The following EPB41L5 variants were observed in gnomAD, a reference collection of about 807,000 sequenced individuals.
EPB41L5 encodes erythrocyte membrane protein band 4.1 like 5.
Under a neutral mutation model 106.6 loss-of-function variants are expected in EPB41L5, and 55 were observed. That is an observed-to-expected ratio of 0.52 (90% CI 0.42 to 0.65). EPB41L5 has a LOEUF of 0.65. Ranked by LOEUF, EPB41L5 falls within the 30% of genes least tolerant of loss-of-function variation. The pLI, the probability that EPB41L5 is intolerant of heterozygous loss-of-function variation, is 0.00. For missense variants in EPB41L5, 871 were observed against 882.1 expected (o/e 0.99, Z 0.16); for synonymous variants, 297 against 306.7 (o/e 0.97, Z 0.33).
At chr2:120,027,926 G>A (rs1024086395) in intron 2 of EPB41L5, among the ~76,000 whole-genome samples, 87 of 151,938 alleles carry the variant, frequency 5.7e-4, no homozygotes, top group African/African-American at 1.8e-3. Flanking sequence ...GCAGTGGTGC[G>A]ATCTCGGCTC....
chr2:120,167,788 T>C (rs972866762), intron 23 of EPB41L5, 89 bp from the exon 24 acceptor site: 1 of 1,469,236 alleles, frequency 6.8e-7, no homozygotes, highest in African/African-American at 1.4e-5. Context: ...GTTAATCTCA[T>C]AGTCATTAGT....
chr2:120,090,854 A>G (rs569470480), intron 12 of EPB41L5, among the ~76,000 whole-genome samples: 1 of 152,270 alleles, frequency 6.6e-6, no homozygotes, highest in East Asian at 1.9e-4. Context: ...CTTGCACTGA[A>G]TGGGATATTA....
At chr2:120,127,958 T>A in intron 17 of EPB41L5, 107 bp downstream of exon 17, 1 of 1,031,382 alleles carries the variant, frequency 9.7e-7, no homozygotes, top group Non-Finnish European at 1.3e-6. Flanking sequence ...GTTCAACTTT[T>A]AAATTTAATT....
At chr2:120,064,924 A>G (rs1681340474) in intron 3 of EPB41L5, among the ~76,000 whole-genome samples, 1 of 152,206 alleles carries the variant, frequency 6.6e-6, no homozygotes, top group Non-Finnish European at 1.5e-5. Flanking sequence ...GACCTTTCCC[A>G]GAAGAACATC....
intron 21 of EPB41L5, among the ~76,000 whole-genome samples, chr2:120,161,194 A>G (rs1687128697): frequency 6.6e-6 from 1 of 152,076 alleles, no homozygotes; most frequent in Non-Finnish European, 1.5e-5. Context: ...CCTGGGCAAC[A>G]TGGCAAAACC....
chr2:120,166,186 A>G (rs567815408), intron 22 of EPB41L5, among the ~76,000 whole-genome samples: 1 of 152,058 alleles, frequency 6.6e-6, no homozygotes, highest in African/African-American at 2.4e-5. Context: ...CCCACCTCCA[A>G]GTTTCTAATT....
chr2:120,063,159 G>T (rs1681194427), intron 3 of EPB41L5, among the ~76,000 whole-genome samples: 1 of 151,744 alleles, frequency 6.6e-6, no homozygotes, highest in African/African-American at 2.4e-5. Context: ...GGCCAACCTG[G>T]TGAAAACCTG....
chr2:120,132,047 A>G (rs777698526), intron 18 of EPB41L5, among the ~76,000 whole-genome samples: 5 of 152,198 alleles, frequency 3.3e-5, no homozygotes, highest in Non-Finnish European at 7.4e-5. Context: ...ATTTGTTTTA[A>G]AGAGAGCTGC....
chr2:120,095,882 C>T (rs1276090901), intron 14 of EPB41L5, among the ~76,000 whole-genome samples: 1 of 152,036 alleles, frequency 6.6e-6, no homozygotes, highest in Non-Finnish European at 1.5e-5. Flanking sequence ...GTTGGCCAGG[C>T]TGGTTTCGAA....
chr2:120,137,326 C>G (rs868694613), intron 18 of EPB41L5, among the ~76,000 whole-genome samples: 1 of 151,644 alleles, frequency 6.6e-6, no homozygotes, highest in African/African-American at 2.4e-5. Flanking sequence ...CAAGAGCAAA[C>G]TAAACCCAAA....
rs138550721 is a variant in EPB41L5, at chr2:120,080,072, A to G, written c.803+1491A>G. On this transcript the variant is annotated intron_variant, in intron 10 of 24. Transcript: ENST00000263713. ...AGGCTGAGGATAGAATTTTAGGTTG[A>G]AAATTATTTCCCTCAAAAAATTGAA... is the stretch of plus-strand genomic sequence containing the variant. Among the ~76,000 whole-genome samples, 1,116 of 152,038 alleles carry G rather than the reference A, an allele frequency of 7.3e-3. 11 individuals are homozygous for G. Among genetic ancestry groups the G allele is most frequent in the African/African-American group, 0.025 (1,021 of 41,494 alleles).
At chr2:120,106,798 G>A (rs949258971) in intron 16 of EPB41L5, 18 of 985,194 alleles carry the variant, frequency 1.8e-5, no homozygotes, top group South Asian at 4.7e-5. Context: ...TTTTTGTTGC[G>A]TTTCAAAGGC....
intron 16 of EPB41L5, among the ~76,000 whole-genome samples, chr2:120,117,379 T>C (rs1684995538): frequency 6.6e-6 from 1 of 152,212 alleles, no homozygotes; most frequent in South Asian, 2.1e-4. Context: ...ACAGAGTATA[T>C]AGTTGAAGTA....
intron 14 of EPB41L5, among the ~76,000 whole-genome samples, chr2:120,096,693 G>A (rs1435665247): frequency 6.6e-6 from 1 of 152,198 alleles, no homozygotes; most frequent in African/African-American, 2.4e-5. Flanking sequence ...TGGAGGCTGA[G>A]ACAGGAGAAT....
chr2:120,048,350 TC>T (rs1679971211), intron 3 of EPB41L5, among the ~76,000 whole-genome samples: 2 of 152,304 alleles, frequency 1.3e-5, no homozygotes, highest in East Asian at 3.9e-4. Flanking sequence ...CTGTTATTGA[TC>T]TATTCAGGGA....
In EPB41L5 at chr2:120,176,586, A is replaced by G. The variant is rs1358612639; in HGVS notation, c.*1679A>G. On this transcript the variant is annotated 3_prime_UTR_variant, in exon 25 of 25. Transcript: ENST00000263713. The stretch of plus-strand genomic sequence containing the variant: ...TCTTGCTGGCTGCCTCCCCTTAGCC[A>G]TTATGCTAAAAACAGCTTCTGAGTT... 1.3e-5 allele frequency: 2 copies of G among 152,248 alleles called. No individual in the cohort carries two copies. The highest frequency in any genetic ancestry group is 2.1e-4 in the South Asian group (1 of 4,836). The allele number at this position is 152,248 out of a possible 1,614,324, so 9.4% of individuals were successfully genotyped here.
At chr2:120,145,213 A>C (rs1453240534) in intron 19 of EPB41L5, among the ~76,000 whole-genome samples, 3 of 152,250 alleles carry the variant, frequency 2.0e-5, no homozygotes, top group Non-Finnish European at 4.4e-5. Flanking sequence ...TCTAACCCGC[A>C]ATTACATTCT....
At chr2:120,129,879 C>T (rs2105467356) in intron 17 of EPB41L5, among the ~76,000 whole-genome samples, 1 of 152,302 alleles carries the variant, frequency 6.6e-6, no homozygotes, top group Non-Finnish European at 1.5e-5. Flanking sequence ...AGCACAGTGG[C>T]TCACGCCTGT....
At chr2:120,018,203 G>C (rs949329450) in intron 1 of EPB41L5, among the ~76,000 whole-genome samples, 1 of 151,698 alleles carries the variant, frequency 6.6e-6, no homozygotes, top group Admixed American at 6.6e-5. Flanking sequence ...TCCTGACCTC[G>C]TGATCCACCT....
Sources: gnomAD v4.1 joint callset for allele counts (sites outside exome capture counted in the v4.1 genomes callset) on GRCh38, gnomAD v4.1.1 for gene constraint, MANE v1.5 for transcripts, NCBI Gene and HGNC (gene_info 2026-07-23, HGNC 2026-07-21) for gene names.